Variants in SPINK4 observed in about 807,000 individuals in gnomAD.
The protein encoded by SPINK4 is serine protease inhibitor Kazal-type 4.
A neutral mutation model predicts 12.3 loss-of-function variants in SPINK4; 10 were observed. The observed-to-expected ratio is 0.81, with a 90% CI of 0.50 to 1.37. The LOEUF (loss-of-function observed/expected upper bound fraction) is 1.37. Ranked by LOEUF, SPINK4 falls within the 40% of genes most tolerant of loss-of-function variation. The pLI is 0.00. For synonymous variants in SPINK4, 37 were observed against 40.2 expected, an observed-to-expected ratio of 0.92 and a Z score of 0.30; for missense variants, 91 against 109.0, an observed-to-expected ratio of 0.84 and a Z score of 0.73.
intron 1 of SPINK4, among the ~76,000 whole-genome samples, chr9:33,242,769 C>A (rs1820250050): frequency 6.6e-6 from 1 of 152,126 alleles, no homozygotes; most frequent in African/African-American, 2.4e-5. Flanking sequence ...GATACAGGAC[C>A]TCTTGAGACA....
Position 33,245,119 on chromosome 9 carries a change from A to G in SPINK4, c.69A>G (p.Pro23=), listed in dbSNP as rs772643084. 7.4e-6 allele frequency: 12 copies of G among 1,613,734 alleles called. No homozygotes were observed. Among genetic ancestry groups the G allele is most frequent in the Non-Finnish European group, 1.0e-5 (12 of 1,179,870 alleles). The change falls in exon 2 of 4, where the codon CCA becomes CCG. Residue 23 remains proline, a synonymous_variant. Coordinates refer to ENST00000379721, the MANE Select transcript of SPINK4 (RefSeq NM_014471.3). ...TGCTTCTTTGTGTTTCAGAAGTGCC[A>G]GTGGCAGCAGGAAAGCTCCCTTTCT... The part of the protein sequence containing the change: ...AALLVVDREV[P]VAAGKLPFSR...
chr9:33,246,733 G>C lies in SPINK4; in HGVS notation c.215+5G>C, dbSNP rs751219886. On this transcript the variant is annotated splice_donor_5th_base_variant and intron_variant, in intron 3 of 3. Transcript: ENST00000379721. Reference sequence around the variant, plus strand: ...CCAGCTCTGCTTGGCCCGGATGTAAGTCTGCCCCACAACCCCTGCTTGCTT... The same window carrying C: ...CCAGCTCTGCTTGGCCCGGATGTAACTCTGCCCCACAACCCCTGCTTGCTT... The C allele has an allele frequency of 6.8e-6, 11 of 1,613,666 alleles. No homozygotes were observed. The highest frequency in any genetic ancestry group is 8.5e-7 in the Non-Finnish European group (1 of 1,179,794).
At chr9:33,248,301 T>C (rs1186168675) in intron 3 of SPINK4, 125 bp from the exon 4 acceptor site, 9 of 895,108 alleles carry the variant, frequency 1.0e-5, no homozygotes, top group Non-Finnish European at 1.6e-5. Context: ...GGATCTGCCC[T>C]GTATCCATAC....
chr9:33,245,606 C>A (rs561768681), intron 2 of SPINK4, among the ~76,000 whole-genome samples: 1 of 152,308 alleles, frequency 6.6e-6, no homozygotes, highest in South Asian at 2.1e-4. Flanking sequence ...AATCCTGATT[C>A]CACCTTGGCC....
chr9:33,247,324 A>AT (rs796700873), intron 3 of SPINK4, among the ~76,000 whole-genome samples: 2,075 of 140,002 alleles, frequency 0.015, 33 homozygotes, highest in African/African-American at 0.043. Flanking sequence ...CACCTGGCTA[A>AT]TTTTTTTTTT....
At chr9:33,242,835 C>A (rs993250623) in intron 1 of SPINK4, among the ~76,000 whole-genome samples, 1 of 151,040 alleles carries the variant, frequency 6.6e-6, no homozygotes, top group East Asian at 1.9e-4. Context: ...AGAAATTCCC[C>A]TATGTCAGTC....
intron 3 of SPINK4, 86 bp from the exon 4 acceptor site, chr9:33,248,340 A>C (rs1306533013): frequency 1.4e-6 from 2 of 1,419,640 alleles, no homozygotes; most frequent in African/African-American, 1.4e-5. Flanking sequence ...GCTCAGCAGG[A>C]TGTCTGGATG....
intron 3 of SPINK4, 132 bp from the exon 4 acceptor site, chr9:33,248,294 T>G (rs918724253): frequency 1.2e-6 from 1 of 812,348 alleles, no homozygotes; most frequent in Non-Finnish European, 2.0e-6. Flanking sequence ...ACCCTTGGGA[T>G]CTGCCCTGTA....
At position 33,248,197 on chromosome 9, in the gene SPINK4, C is replaced by A. The variant is rs1006377475; in HGVS notation, c.216-229C>A. 6 of 560,314 alleles carry A rather than the reference C, an allele frequency of 1.1e-5. No individual in the cohort carries two copies. The Admixed American group carries it at 1.9e-4, about 18-fold the overall frequency. The allele number at this position is 560,314 out of a possible 1,614,324, so 34.7% of individuals were successfully genotyped here. On this transcript the variant is annotated intron_variant, in intron 3 of 3. Transcript: ENST00000379721. ...GACAGATTTGGCAGCCATCAGCGTG[C>A]GCTGGTGGTGGAAACCCCAGGAAGC...
chr9:33,243,448 G>A (rs868798402), intron 1 of SPINK4, among the ~76,000 whole-genome samples: 2 of 152,130 alleles, frequency 1.3e-5, no homozygotes, highest in South Asian at 2.1e-4. Context: ...GGCTTCAAGT[G>A]ATCCTCCTGC....
At chr9:33,244,975 G>A in intron 1 of SPINK4, 137 bp from the exon 2 acceptor site, 2 of 734,194 alleles carry the variant, frequency 2.7e-6, no homozygotes. Flanking sequence ...ATTGTCTGGT[G>A]GCTCATCACC....
At chr9:33,245,287 C>A (rs1451617002) in intron 2 of SPINK4, 135 bp downstream of exon 2, 17 of 881,618 alleles carry the variant, frequency 1.9e-5, no homozygotes, top group Non-Finnish European at 2.9e-5. Context: ...AAGGTGGCCT[C>A]CTGGCCTGCA....
At chr9:33,244,837 T>G (rs1820270290) in intron 1 of SPINK4, among the ~76,000 whole-genome samples, 1 of 152,176 alleles carries the variant, frequency 6.6e-6, no homozygotes, top group Non-Finnish European at 1.5e-5. Flanking sequence ...TTATAATTAT[T>G]ATATGGGACA....
intron 1 of SPINK4, among the ~76,000 whole-genome samples, chr9:33,241,188 G>A (rs1820230933): frequency 1.3e-5 from 2 of 152,154 alleles, no homozygotes; most frequent in Non-Finnish European, 1.5e-5. Flanking sequence ...TGCCTGGAGT[G>A]ACTGAGGTAC....
chr9:33,245,010 G>C, intron 1 of SPINK4, 102 bp from the exon 2 acceptor site: 1 of 1,111,962 alleles, frequency 9.0e-7, no homozygotes, highest in Non-Finnish European at 1.3e-6. Context: ...TCCAGGTTGG[G>C]TAGTTGCTGG....
intron 1 of SPINK4, among the ~76,000 whole-genome samples, chr9:33,244,732 C>T (rs572651378): frequency 6.6e-6 from 1 of 152,220 alleles, no homozygotes; most frequent in South Asian, 2.1e-4. Context: ...TATCTCCTTT[C>T]TTCCCTCTGT....
rs532901966 is a variant in SPINK4 at position 33,246,653 on chromosome 9, C to T, written c.140C>T (p.Ser47Phe). ...CACATGGTAGAGTCTCCAACCTGTTCCCAGATGTCCAACCTGGTCTGCGGC... is the reference window on the plus strand; with the variant it reads ...CACATGGTAGAGTCTCCAACCTGTTTCCAGATGTCCAACCTGGTCTGCGGC... ...CEHMVESPTC[S>F]QMSNLVCGTD... The change falls in exon 3 of 4, where the codon TCC (serine) becomes TTC (phenylalanine). Residue 47 changes from serine to phenylalanine, a missense_variant. Physicochemically the swap from Ser to Phe is radical, Grantham distance 155. Coordinates refer to ENST00000379721, the MANE Select transcript of SPINK4 (RefSeq NM_014471.3). 4.3e-6 allele frequency: 7 copies of T among 1,614,062 alleles called. No homozygotes were observed. The highest frequency in any genetic ancestry group is 2.2e-5 in the East Asian group (1 of 44,874).
rs557139910 is a variant in SPINK4, at chr9:33,248,391, G to A, written c.216-35G>A. ...CTGAATGGTACACTACAGCTCCTGA[G>A]AAGGTAGCCTCATGCCTGTCTTCTT... On this transcript the variant is annotated intron_variant, in intron 3 of 3. Transcript: ENST00000379721. The A allele has an allele frequency of 7.9e-5, 127 of 1,613,252 alleles. 3 individuals carry two copies. In the South Asian group the frequency reaches 1.4e-3, roughly 17 times the overall value.
chr9:33,242,264 AG>A (rs1474598252), intron 1 of SPINK4, among the ~76,000 whole-genome samples: 1 of 152,186 alleles, frequency 6.6e-6, no homozygotes, highest in Non-Finnish European at 1.5e-5. Flanking sequence ...GTGCATAGGG[AG>A]GCGGGGTGAC....
Sources: gnomAD v4.1 joint callset for allele counts (sites outside exome capture counted in the v4.1 genomes callset) on GRCh38, gnomAD v4.1.1 for gene constraint, MANE v1.5 for transcripts, NCBI Gene and HGNC (gene_info 2026-07-23, HGNC 2026-07-21) for gene names.